Variants in PEX26 observed in about 807,000 individuals in gnomAD.
PEX26 encodes peroxisomal biogenesis factor 26.
A neutral mutation model predicts 31.4 loss-of-function variants in PEX26; 18 were observed. The ratio of observed to expected loss-of-function variants is 0.57; its 90% CI spans 0.40 to 0.85. The LOEUF is 0.85. Ranked by LOEUF, PEX26 falls within the 40% of genes least tolerant of loss-of-function variation. The pLI is 0.00. For missense variants in PEX26, 377 were observed against 383.9 expected (o/e 0.98, Z 0.15); for synonymous variants, 176 against 166.9 (o/e 1.05, Z -0.42).
At chr22:18,082,911 G>T (rs1483701337) in intron 2 of PEX26, among the ~76,000 whole-genome samples, 1 of 152,102 alleles carries the variant, frequency 6.6e-6, no homozygotes, top group Non-Finnish European at 1.5e-5. Context: ...TCTTTTGCCA[G>T]CTTGGTTTAA....
rs917477109 is a variant in PEX26, at chr22:18,093,935, A to G, written c.*5860A>G. 3 of 152,294 alleles carry G rather than the reference A, an allele frequency of 2.0e-5. No homozygotes were observed. The highest frequency in any genetic ancestry group is 4.8e-5 in the African/African-American group (2 of 41,414). The allele number at this position is 152,294 out of a possible 1,614,324, so 9.4% of individuals were successfully genotyped here. ...GTTGGCCGGACAACTGCAGGTGAAGATGGGATTGTGAAGTACAGTCCAAGG... is the reference window on the plus strand; with the variant it reads ...GTTGGCCGGACAACTGCAGGTGAAGGTGGGATTGTGAAGTACAGTCCAAGG... On this transcript the variant is annotated 3_prime_UTR_variant, in exon 5 of 5. Coordinates refer to ENST00000399744, the MANE Select transcript of PEX26 (RefSeq NM_001127649.3).
rs978644034 is a variant in PEX26 at position 18,103,114 on chromosome 22, G to T, written c.*15039G>T. The T allele has an allele frequency of 4.0e-5, 3 of 75,888 alleles. No individual in the cohort carries two copies. Among genetic ancestry groups the T allele is most frequent in the East Asian group, 1.0e-3 (2 of 1,946 alleles). The allele number at this position is 75,888 out of a possible 1,614,324, so 4.7% of individuals were successfully genotyped here. A position where few individuals can be genotyped will look rare whatever the true frequency, so the allele number is the denominator to read the frequency against. ...TCTCAAAAAAAAAAAAAAAAAAAAG[G>T]CATGTAAAAGTTAATCTCATGGAGG... On this transcript the variant is annotated 3_prime_UTR_variant, in exon 5 of 5. Transcript: ENST00000399744.
rs1927413072 is a variant in PEX26 at position 18,100,229 on chromosome 22, C to T, written c.*12154C>T. On this transcript the variant is annotated 3_prime_UTR_variant, in exon 5 of 5. Coordinates refer to ENST00000399744, the MANE Select transcript of PEX26 (RefSeq NM_001127649.3). ...TAGCTGGTATGACAGGCATGCACCA[C>T]CATGCCCAGCTAATTTTATATTTTT... The T allele has an allele frequency of 6.6e-6, 1 of 152,118 alleles. No homozygotes were observed. Among genetic ancestry groups the T allele is most frequent in the Non-Finnish European group, 1.5e-5 (1 of 68,048 alleles). 9.4% of individuals were successfully genotyped at this position (152,118 alleles called of 1,614,324 possible). A position where few individuals can be genotyped will look rare whatever the true frequency, so the allele number is the denominator to read the frequency against.
rs1927253583 is a variant in PEX26, at chr22:18,095,149, T to G, written c.*7074T>G. On this transcript the variant is annotated 3_prime_UTR_variant, in exon 5 of 5. Transcript: ENST00000399744. ...AGAAGCAGCAAGAGTTGGTGAGCAA[T>G]AAGACCCGCACCAGGGCTGAAGGGT... The G allele has an allele frequency of 6.6e-6, 1 of 152,200 alleles. No homozygotes were observed. The highest frequency in any genetic ancestry group is 1.5e-5 in the Non-Finnish European group (1 of 68,066). The allele number at this position is 152,200 out of a possible 1,614,324, so 9.4% of individuals were successfully genotyped here. A position where few individuals can be genotyped will look rare whatever the true frequency, so the allele number is the denominator to read the frequency against.
intron 3 of PEX26, among the ~76,000 whole-genome samples, chr22:18,084,366 T>A (rs1384134694): frequency 6.6e-6 from 1 of 151,190 alleles, no homozygotes; most frequent in African/African-American, 2.4e-5. Flanking sequence ...TGCCTCAGCC[T>A]CCTGAGTAGC....
rs1244113800 is a variant in PEX26, at chr22:18,095,417, C to A, written c.*7342C>A. ...TGGGTCTCAAAGAATGGGCTGCTTT[C>A]TCTGGAAAGCTGGGGAGCTGGTAAA... On this transcript the variant is annotated 3_prime_UTR_variant, in exon 5 of 5. Transcript: ENST00000399744. 1 of 152,206 alleles carries A rather than the reference C, an allele frequency of 6.6e-6. No homozygotes were observed. The highest frequency in any genetic ancestry group is 1.5e-5 in the Non-Finnish European group (1 of 68,058). The allele number at this position is 152,206 out of a possible 1,614,324, so 9.4% of individuals were successfully genotyped here.
In PEX26 at chr22:18,088,252, G is replaced by A. The variant is rs772826188; in HGVS notation, c.*177G>A. 2 of 698,894 alleles carry A rather than the reference G, an allele frequency of 2.9e-6. No homozygotes were observed. The highest frequency in any genetic ancestry group is 5.2e-6 in the Non-Finnish European group (2 of 381,658). The allele number at this position is 698,894 out of a possible 1,614,324, so 43.3% of individuals were successfully genotyped here. ...TTTGCACCCTACTTCGGCTGGTCGC[G>A]GTAGATGATGTGGAAACAAAGCAGG... On this transcript the variant is annotated 3_prime_UTR_variant, in exon 5 of 5. Transcript: ENST00000399744. This position sits in a 1 kb window ranked among gnomAD's most constrained non-coding sequence, Gnocchi z 4.1.
chr22:18,100,460 C>G lies in PEX26; in HGVS notation c.*12385C>G, dbSNP rs1569193409. 6.6e-6 allele frequency: 1 copy of G among 152,062 alleles called. No individual in the cohort carries two copies. The highest frequency in any genetic ancestry group is 1.5e-5 in the Non-Finnish European group (1 of 68,002). 9.4% of individuals were successfully genotyped at this position (152,062 alleles called of 1,614,324 possible). On this transcript the variant is annotated 3_prime_UTR_variant, in exon 5 of 5. Transcript: ENST00000399744. ...AAATACCTCAAGTGTACCTCATTTA[C>G]CTCAAATATACCTCATGGTCCGAAA... is the stretch of plus-strand genomic sequence containing the variant.
At position 18,078,206 on chromosome 22, in the gene PEX26, C is replaced by T. The variant is rs1397706499; in HGVS notation, c.-171C>T. 1 of 707,460 alleles carries T rather than the reference C, an allele frequency of 1.4e-6. No homozygotes were observed. The highest frequency in any genetic ancestry group is 2.6e-6 in the Non-Finnish European group (1 of 390,334). The allele number at this position is 707,460 out of a possible 1,614,324, so 43.8% of individuals were successfully genotyped here. On this transcript the variant is annotated 5_prime_UTR_variant, in exon 1 of 5. Transcript: ENST00000399744. ...GCCTCCAGGCGAGCCCAGCTTTTGC[C>T]TCAGATAGGCCCCTTCCTTTTCCTT... is the stretch of plus-strand genomic sequence containing the variant.
In PEX26 at chr22:18,078,433, G is replaced by A. The variant is rs1054584769; in HGVS notation, c.57G>A (p.Leu19=). 6.3e-6 allele frequency: 10 copies of A among 1,580,832 alleles called. No homozygotes were observed. The highest frequency in any genetic ancestry group is 1.1e-5 in the South Asian group (1 of 88,202). ...CCCTCAGGGGGCTCGGGGGACCCCT[G>A]CGCAGCAGCGAGCCGGTGCGCGCGG... ...AAPLRGLGGP[L]RSSEPVRAVP... The change falls in exon 1 of 5, where the codon CTG becomes CTA. Residue 19 remains leucine (L), a synonymous_variant. Coordinates refer to ENST00000399744, the MANE Select transcript of PEX26 (RefSeq NM_001127649.3).
At position 18,097,983 on chromosome 22, in the gene PEX26, C is replaced by T. The variant is rs1365421585; in HGVS notation, c.*9908C>T. ...ATCCCACCACTTTGGGTGGCCAAGG[C>T]AGGTGGATCATGAGGCCAGGAGTTT... On this transcript the variant is annotated 3_prime_UTR_variant, in exon 5 of 5. Coordinates refer to ENST00000399744, the MANE Select transcript of PEX26 (RefSeq NM_001127649.3). The T allele has an allele frequency of 1.3e-5, 2 of 152,280 alleles. No individual in the cohort carries two copies. The highest frequency in any genetic ancestry group is 1.3e-4 in the Admixed American group (2 of 15,290). 9.4% of individuals were successfully genotyped at this position (152,280 alleles called of 1,614,324 possible).
At position 18,098,791 on chromosome 22, in the gene PEX26, A is replaced by C. The variant is rs183648873; in HGVS notation, c.*10716A>C. 28 of 151,654 alleles carry C rather than the reference A, an allele frequency of 1.8e-4. No individual in the cohort carries two copies. In the East Asian group the frequency reaches 5.4e-3, roughly 29 times the overall value. The allele number at this position is 151,654 out of a possible 1,614,324, so 9.4% of individuals were successfully genotyped here. A position where few individuals can be genotyped will look rare whatever the true frequency, so the allele number is the denominator to read the frequency against. ...ACATATATATATAATATATATACAC[A>C]TATGCAATGGAGTAATGAAAATACT... is the stretch of plus-strand genomic sequence containing the variant. On this transcript the variant is annotated 3_prime_UTR_variant, in exon 5 of 5. Transcript: ENST00000399744.
rs1927474286 is a variant in PEX26 at position 18,102,305 on chromosome 22, G to A, written c.*14230G>A. The A allele has an allele frequency of 1.3e-5, 2 of 152,506 alleles. No individual in the cohort carries two copies. Among genetic ancestry groups the A allele is most frequent in the African/African-American group, 2.4e-5 (1 of 41,446 alleles). The allele number at this position is 152,506 out of a possible 1,614,324, so 9.4% of individuals were successfully genotyped here. A position where few individuals can be genotyped will look rare whatever the true frequency, so the allele number is the denominator to read the frequency against. On this transcript the variant is annotated 3_prime_UTR_variant, in exon 5 of 5. Transcript: ENST00000399744. ...TCAGGAGAAACACATCAAGCCATTT[G>A]TTTTTGACCCTTAATACTTAACATG...
Position 18,103,790 on chromosome 22 carries a change from G to GCAC in PEX26, c.*15724_*15726dup, listed in dbSNP as rs1927530562. 6.6e-6 allele frequency: 1 copy of GCAC among 152,512 alleles called. No individual in the cohort carries two copies. Among genetic ancestry groups the GCAC allele is most frequent in the African/African-American group, 2.4e-5 (1 of 41,438 alleles). The allele number at this position is 152,512 out of a possible 1,614,324, so 9.4% of individuals were successfully genotyped here. A position where few individuals can be genotyped will look rare whatever the true frequency, so the allele number is the denominator to read the frequency against. ...GGCCCAGCCCGGTCAACACCCACAT[G>GCAC]CACCACCACCAACTTTTTGCTATTG... On this transcript the variant is annotated 3_prime_UTR_variant, in exon 5 of 5. Transcript: ENST00000399744.
In PEX26 at chr22:18,085,232, G is replaced by C. The variant is rs770160225; in HGVS notation, c.788G>C (p.Cys263Ser). 8 of 1,614,104 alleles carry C rather than the reference G, an allele frequency of 5.0e-6. No individual in the cohort carries two copies. The South Asian group carries it at 5.5e-5, about 11-fold the overall frequency. The change falls in exon 4 of 5, where the codon TGT becomes TCT. Residue 263 changes from cysteine to serine, a missense_variant. Coordinates refer to ENST00000399744, the MANE Select transcript of PEX26 (RefSeq NM_001127649.3). ...KKSLLAALIL[C>S]LLVVRFDPAS... The stretch of plus-strand genomic sequence containing the variant: ...AGTCTCCTGGCTGCCTTGATCCTCT[G>C]TCTCCTGGTGGTGAGATTTGATCCA...
rs1162207987 is a variant in PEX26 at position 18,094,042 on chromosome 22, A to C, written c.*5967A>C. The C allele has an allele frequency of 6.6e-6, 1 of 152,272 alleles. No homozygotes were observed. Among genetic ancestry groups the C allele is most frequent in the Non-Finnish European group, 1.5e-5 (1 of 68,080 alleles). 9.4% of individuals were successfully genotyped at this position (152,272 alleles called of 1,614,324 possible). The stretch of plus-strand genomic sequence containing the variant: ...CCAATTTTAATATTGACCTGAGCTC[A>C]TATTTAGCTCTACATGTTTCCCAGC... On this transcript the variant is annotated 3_prime_UTR_variant, in exon 5 of 5. Transcript: ENST00000399744.
At chr22:18,086,880 ATATT>A (rs1316539636) in intron 4 of PEX26, among the ~76,000 whole-genome samples, 2 of 151,294 alleles carry the variant, frequency 1.3e-5, no homozygotes, top group African/African-American at 4.8e-5. Flanking sequence ...CTTTTTTAAA[ATATT>A]TATTTATTTA....
Position 18,098,633 on chromosome 22 carries a change from AAAAAAAG to A in PEX26, c.*10572_*10578del, listed in dbSNP as rs1927364578. ...GGCGACAGAGTGAGATTCTGTCTCA[AAAAAAAG>A]AAAAAAGAAAAAAAAATTACCTCCC... On this transcript the variant is annotated 3_prime_UTR_variant, in exon 5 of 5. Coordinates refer to ENST00000399744, the MANE Select transcript of PEX26 (RefSeq NM_001127649.3). 1 of 110,214 alleles carries A rather than the reference AAAAAAAG, an allele frequency of 9.1e-6. No homozygotes were observed. The highest frequency in any genetic ancestry group is 2.9e-4 in the South Asian group (1 of 3,400). The allele number at this position is 110,214 out of a possible 1,614,324, so 6.8% of individuals were successfully genotyped here. A position where few individuals can be genotyped will look rare whatever the true frequency, so the allele number is the denominator to read the frequency against.
Position 18,100,023 on chromosome 22 carries a change from A to G in PEX26, c.*11948A>G, listed in dbSNP as rs545662105. On this transcript the variant is annotated 3_prime_UTR_variant, in exon 5 of 5. Coordinates refer to ENST00000399744, the MANE Select transcript of PEX26 (RefSeq NM_001127649.3). ...ATTCAATCCCCTAATCCATGTTAGT[A>G]ACCATGCAGTGTTCCTTCTTATTTC... The G allele has an allele frequency of 6.6e-6, 1 of 152,180 alleles. No individual in the cohort carries two copies. The highest frequency in any genetic ancestry group is 1.5e-5 in the Non-Finnish European group (1 of 68,030). The allele number at this position is 152,180 out of a possible 1,614,324, so 9.4% of individuals were successfully genotyped here.
Sources: gnomAD v4.1 joint callset for allele counts (sites outside exome capture counted in the v4.1 genomes callset) on GRCh38, gnomAD v4.1.1 for gene constraint, Gnocchi (gnomAD v3.1) non-coding constraint, MANE v1.5 for transcripts, NCBI Gene and HGNC (gene_info 2026-07-23, HGNC 2026-07-21) for gene names.